The following RPN2 variants were observed in gnomAD, a reference collection of about 807,000 sequenced individuals.
RPN2 encodes the protein ribophorin II.
A neutral mutation model predicts 71.4 loss-of-function variants in RPN2; 29 were observed. The ratio of observed to expected loss-of-function variants is 0.41; its 90% CI spans 0.30 to 0.55. The LOEUF (loss-of-function observed/expected upper bound fraction) is 0.55, where lower values mean the gene tolerates loss of function less well. RPN2 is among the 20% of genes least tolerant of loss of function. RPN2 has a pLI of 0.35. For synonymous variants in RPN2, 308 were observed against 305.0 expected, an observed-to-expected ratio of 1.01 and a Z score of -0.10; for missense variants, 726 against 774.1, an observed-to-expected ratio of 0.94 and a Z score of 0.74.
At position 37,234,141 on chromosome 20, in the gene RPN2, T is replaced by A. The variant is rs6104178; in HGVS notation, c.1753+46T>A. On this transcript the variant is annotated intron_variant, in intron 15 of 16. Transcript: ENST00000237530. ...ATTACCTGTAACGTCCTCTGACATT[T>A]AGCCTGCCCACGCAAAAGCCCTGTT... 5,120 of 1,593,744 alleles carry A rather than the reference T, an allele frequency of 3.2e-3. 126 individuals are homozygous for A. In the African/African-American group the frequency reaches 0.059, roughly 18 times the overall value.
chr20:37,236,844 T>C, intron 16 of RPN2, 135 bp downstream of exon 16: 2 of 862,706 alleles, frequency 2.3e-6, no homozygotes, highest in Middle Eastern at 3.3e-4. Flanking sequence ...TCTAGCCCAG[T>C]ACAGAAGCCA....
intron 4 of RPN2, chr20:37,200,367 T>A (rs982041074): frequency 9.5e-6 from 4 of 419,822 alleles, no homozygotes; most frequent in South Asian, 1.8e-5. Flanking sequence ...TTTTTTTTTT[T>A]AACACTTAAA....
chr20:37,194,511 C>T (rs1469430291), intron 2 of RPN2, among the ~76,000 whole-genome samples: 1 of 152,252 alleles, frequency 6.6e-6, no homozygotes, highest in African/African-American at 2.4e-5. Flanking sequence ...ATCCACCCGC[C>T]TCAGCCTCCC....
chr20:37,180,516 G>A (rs1054454216), intron 1 of RPN2, among the ~76,000 whole-genome samples: 2 of 152,144 alleles, frequency 1.3e-5, no homozygotes, highest in African/African-American at 4.8e-5. Context: ...GAGAAGATTA[G>A]GATTCTGACA....
chr20:37,235,742 C>T (rs1002361138), intron 15 of RPN2, among the ~76,000 whole-genome samples: 2 of 152,114 alleles, frequency 1.3e-5, no homozygotes, highest in African/African-American at 4.8e-5. Context: ...CCTCTGCCTC[C>T]CAGGTTCAGG....
intron 11 of RPN2, among the ~76,000 whole-genome samples, chr20:37,226,355 G>A (rs1433366500): frequency 6.6e-6 from 1 of 152,106 alleles, no homozygotes; most frequent in Non-Finnish European, 1.5e-5. Context: ...TATAAGCATG[G>A]CACTAGACTC....
chr20:37,195,170 A>G (rs1245584869), intron 2 of RPN2, among the ~76,000 whole-genome samples: 4 of 152,170 alleles, frequency 2.6e-5, no homozygotes, highest in Non-Finnish European at 5.9e-5. Flanking sequence ...AGCTGGAGTC[A>G]GAGTTTCCAG....
At chr20:37,237,708 G>A (rs995361903) in intron 16 of RPN2, among the ~76,000 whole-genome samples, 6 of 152,138 alleles carry the variant, frequency 3.9e-5, no homozygotes, top group African/African-American at 1.4e-4. Flanking sequence ...ACCAGCAGTG[G>A]CAGCTGGTTC....
intron 2 of RPN2, among the ~76,000 whole-genome samples, chr20:37,191,203 G>A (rs1428528236): frequency 1.3e-5 from 2 of 152,202 alleles, no homozygotes; most frequent in African/African-American, 4.8e-5. Flanking sequence ...TCGGCTGGGT[G>A]CGGTGTCTCA....
chr20:37,209,553 T>G (rs1020719532), intron 7 of RPN2, among the ~76,000 whole-genome samples: 5 of 152,000 alleles, frequency 3.3e-5, no homozygotes, highest in African/African-American at 1.2e-4. Flanking sequence ...TCATGCTAAC[T>G]CTTGGGCTCA....
rs184830418 is a variant in RPN2 at position 37,231,582 on chromosome 20, C to A, written c.1582-714C>A. ...AAAAATTAAGCTGGGTGTGGTGGCG[C>A]GTACCTGTAGTCCCAACTACTCAGG... On this transcript the variant is annotated intron_variant, in intron 13 of 16. Coordinates refer to ENST00000237530, the MANE Select transcript of RPN2 (RefSeq NM_002951.5). Among the ~76,000 whole-genome samples, 3 of 151,876 alleles carry A rather than the reference C, an allele frequency of 2.0e-5. No homozygotes were observed. The East Asian group carries it at 5.8e-4, about 29-fold the overall frequency.
intron 7 of RPN2, among the ~76,000 whole-genome samples, chr20:37,209,151 C>A (rs993573036): frequency 5.9e-5 from 9 of 152,142 alleles, no homozygotes; most frequent in Admixed American, 2.6e-4. Flanking sequence ...TTCACCTGTG[C>A]AATAAGGATT....
At chr20:37,206,770 G>A (rs954666713) in intron 6 of RPN2, among the ~76,000 whole-genome samples, 5 of 151,816 alleles carry the variant, frequency 3.3e-5, no homozygotes, top group African/African-American at 4.8e-5. Flanking sequence ...GTGCAGTGGC[G>A]CGATCTTGGC....
At chr20:37,213,055 AC>A (rs1236259117) in intron 8 of RPN2, among the ~76,000 whole-genome samples, 52 of 152,330 alleles carry the variant, frequency 3.4e-4, no homozygotes, top group African/African-American at 1.2e-3. Context: ...AATTCACAAA[AC>A]ACGGAAAGGT....
intron 16 of RPN2, 130 bp downstream of exon 16, chr20:37,236,839 C>G: frequency 1.1e-6 from 1 of 895,580 alleles, no homozygotes; most frequent in Non-Finnish European, 1.8e-6. Flanking sequence ...CCTAATCTAG[C>G]CCAGTACAGA....
rs11480191 is a variant in RPN2, at chr20:37,183,219, AT to A, written c.14-948del. 5.7e-4 allele frequency among the ~76,000 whole-genome samples: 84 copies of A among 148,112 alleles called. No homozygotes were observed. The South Asian group carries it at 7.3e-3, about 13-fold the overall frequency. On this transcript the variant is annotated intron_variant, in intron 1 of 16. Transcript: ENST00000237530. ...GTTATGTGCCAGTCATTATTCTAAG[AT>A]TTTTTTTTTTTTGAGACGGAGTTTT...
In RPN2 at chr20:37,232,237, A is replaced by T. The variant is rs560738103; in HGVS notation, c.1582-59A>T. ...ATTGATGCTTTGGTCCCCGGTATAC[A>T]TGGCTGCCCCTACTGGGAAGGGCAC... On this transcript the variant is annotated intron_variant, in intron 13 of 16. Coordinates refer to ENST00000237530, the MANE Select transcript of RPN2 (RefSeq NM_002951.5). 3 of 1,596,910 alleles carry T rather than the reference A, an allele frequency of 1.9e-6. No individual in the cohort carries two copies. The African/African-American group carries it at 4.0e-5, about 21-fold the overall frequency.
chr20:37,241,383 A>G lies in RPN2; in HGVS notation c.*68A>G, dbSNP rs778930989. 6.5e-7 allele frequency: 1 copy of G among 1,544,112 alleles called. No homozygotes were observed. The highest frequency in any genetic ancestry group is 1.2e-5 in the South Asian group (1 of 84,260). On this transcript the variant is annotated 3_prime_UTR_variant, in exon 17 of 17. Coordinates refer to ENST00000237530, the MANE Select transcript of RPN2 (RefSeq NM_002951.5). Reference sequence around the variant, plus strand: ...AAAGGAGTCAAGAACAATTCACAGTATGAGAAGAAAAATGGAAAAAAAAAA... The same window carrying G: ...AAAGGAGTCAAGAACAATTCACAGTGTGAGAAGAAAAATGGAAAAAAAAAA...
At chr20:37,189,228 C>T (rs1195175279) in intron 2 of RPN2, among the ~76,000 whole-genome samples, 1 of 152,204 alleles carries the variant, frequency 6.6e-6, no homozygotes, top group Non-Finnish European at 1.5e-5. Flanking sequence ...AGCCACCCCT[C>T]TCAGCAATTG....
Sources: gnomAD v4.1 joint callset for allele counts (sites outside exome capture counted in the v4.1 genomes callset) on GRCh38, gnomAD v4.1.1 for gene constraint, MANE v1.5 for transcripts, NCBI Gene and HGNC (gene_info 2026-07-23, HGNC 2026-07-21) for gene names.